The following COL28A1 variants were observed in gnomAD, a reference collection of about 807,000 sequenced individuals.
The protein encoded by COL28A1 is collagen type XXVIII alpha 1 chain.
Under a neutral mutation model 150.2 loss-of-function variants are expected in COL28A1, and 161 were observed. The observed-to-expected ratio is 1.07, with a 90% CI of 0.94 to 1.22. The LOEUF (loss-of-function observed/expected upper bound fraction) is 1.22. Ranked by LOEUF, COL28A1 falls within the 50% of genes most tolerant of loss-of-function variation. COL28A1 has a pLI of 0.00. For missense variants in COL28A1, 1,617 were observed against 1,388.3 expected (o/e 1.16, Z -2.62); for synonymous variants, 552 against 469.7 (o/e 1.18, Z -2.26).
At chr7:7,420,278 T>C (rs534745912) in intron 25 of COL28A1, 5 of 172,830 alleles carry the variant, frequency 2.9e-5, no homozygotes, top group African/African-American at 9.5e-5. Flanking sequence ...CATTAAGAAA[T>C]ATAATCATAT....
At chr7:7,359,094 C>G (rs1780490478) in intron 34 of COL28A1, among the ~76,000 whole-genome samples, 1 of 152,092 alleles carries the variant, frequency 6.6e-6, no homozygotes, top group South Asian at 2.1e-4. Context: ...AGTGAGACTT[C>G]ATTGGCTAAT....
intron 27 of COL28A1, 21 bp from the exon 28 acceptor site, chr7:7,381,633 A>ATCTCTTTCT: frequency 1.9e-6 from 3 of 1,591,736 alleles, no homozygotes; most frequent in Non-Finnish European, 2.6e-6. Flanking sequence ...TATGAGAAAG[A>ATCTCTTTCT]GATGTTCTAT....
intron 6 of COL28A1, among the ~76,000 whole-genome samples, chr7:7,519,836 C>G (rs1322934178): frequency 4.6e-5 from 7 of 152,042 alleles, no homozygotes; most frequent in Non-Finnish European, 7.4e-5. Context: ...CCCTAGGTTT[C>G]CTAAACTTAC....
intron 15 of COL28A1, among the ~76,000 whole-genome samples, chr7:7,461,461 T>C (rs1401099237): frequency 6.6e-6 from 1 of 152,126 alleles, no homozygotes; most frequent in Non-Finnish European, 1.5e-5. Flanking sequence ...TCTACTGACT[T>C]TCCTAGCTGG....
intron 4 of COL28A1, among the ~76,000 whole-genome samples, chr7:7,523,926 A>G (rs1232244050): frequency 6.6e-6 from 1 of 152,218 alleles, no homozygotes; most frequent in Admixed American, 6.5e-5. Context: ...TGTCAGATAC[A>G]TGCTTAGAAT....
At position 7,508,555 on chromosome 7, in the gene COL28A1, G is replaced by A. The variant is rs543290803; in HGVS notation, c.928-1394C>T. Among the ~76,000 whole-genome samples, 25 of 152,290 alleles carry A rather than the reference G, an allele frequency of 1.6e-4. 1 individual carries two copies. Among genetic ancestry groups the A allele is most frequent in the Middle Eastern group, 6.8e-3 (2 of 294 alleles). ...TGTTTGTTAATCATTTCCACTACCCGAGTATGAGAGAGTGTATCTTCATCT... is the reference window on the plus strand; with the variant it reads ...TGTTTGTTAATCATTTCCACTACCCAAGTATGAGAGAGTGTATCTTCATCT... On this transcript the variant is annotated intron_variant, in intron 9 of 34. Transcript: ENST00000399429.
In COL28A1 at chr7:7,531,861, A is replaced by G; in HGVS notation, c.168T>C (p.Ser56=). 1 of 1,609,868 alleles carries G rather than the reference A, an allele frequency of 6.2e-7. No homozygotes were observed. Among genetic ancestry groups the G allele is most frequent in the Non-Finnish European group, 8.5e-7 (1 of 1,176,166 alleles). ...FIDIVFIVDS[S]ESSKIALFDK... ...CAAAGAGGGCAATTTTAGAACTTTC[A>G]GAGCTGTCCACGATGAAGACAATAT... The change falls in exon 3 of 35, where the codon TCT becomes TCC. Residue 56 remains serine, a synonymous_variant. Coordinates refer to ENST00000399429, the MANE Select transcript of COL28A1 (RefSeq NM_001037763.3).
intron 21 of COL28A1, 108 bp from the exon 22 acceptor site, chr7:7,437,570 C>T: frequency 7.1e-7 from 1 of 1,400,068 alleles, no homozygotes; most frequent in African/African-American, 1.5e-5. Context: ...TATGTTATGA[C>T]CTCTATCTGT....
intron 27 of COL28A1, among the ~76,000 whole-genome samples, chr7:7,415,815 T>C (rs975423723): frequency 2.6e-5 from 4 of 151,976 alleles, no homozygotes; most frequent in Admixed American, 6.6e-5. Context: ...GTTTTCTTTT[T>C]TTGGGAAGAC....
chr7:7,495,364 T>C (rs924221986), intron 11 of COL28A1, among the ~76,000 whole-genome samples: 1 of 152,178 alleles, frequency 6.6e-6, no homozygotes, highest in Admixed American at 6.5e-5. Flanking sequence ...GAGTGATTAA[T>C]GAGGTTGAAG....
intron 25 of COL28A1, chr7:7,420,359 C>T (rs1784332487): frequency 6.5e-6 from 1 of 153,166 alleles, no homozygotes; most frequent in South Asian, 2.0e-4. Context: ...TTTCTGCCAC[C>T]TCATTAACTG....
intron 11 of COL28A1, among the ~76,000 whole-genome samples, chr7:7,500,603 G>A (rs1780466471): frequency 6.6e-6 from 1 of 152,180 alleles, no homozygotes; most frequent in African/African-American, 2.4e-5. Flanking sequence ...ATCCACACAT[G>A]CATTCCTAAT....
intron 17 of COL28A1, 24 bp downstream of exon 17, chr7:7,453,416 C>G: frequency 1.0e-6 from 1 of 991,784 alleles, no homozygotes; most frequent in Non-Finnish European, 1.6e-6. Flanking sequence ...ATATATTAAA[C>G]TCCGCTCTCA....
intron 27 of COL28A1, among the ~76,000 whole-genome samples, chr7:7,403,498 G>A (rs1290905358): frequency 2.0e-5 from 3 of 150,458 alleles, no homozygotes; most frequent in Non-Finnish European, 4.5e-5. Context: ...GTGGATGAAG[G>A]TTTAGTTTAT....
At chr7:7,501,568 A>G (rs1392505562) in intron 11 of COL28A1, among the ~76,000 whole-genome samples, 2 of 152,230 alleles carry the variant, frequency 1.3e-5, no homozygotes, top group Non-Finnish European at 2.9e-5. Flanking sequence ...AAATTACCTA[A>G]TATAGGCTGG....
chr7:7,440,481 A>G (rs971118048), intron 21 of COL28A1, among the ~76,000 whole-genome samples: 1 of 152,226 alleles, frequency 6.6e-6, no homozygotes, highest in African/African-American at 2.4e-5. Context: ...AAGATTATGA[A>G]GAACTGATAG....
At chr7:7,341,967 T>A in the COL28A1 span, among the ~76,000 whole-genome samples, 1 of 152,290 alleles carries the variant, frequency 6.6e-6, no homozygotes, top group Admixed American at 6.5e-5. Context: ...ATCAAATTAC[T>A]TAATCATGTT....
chr7:7,445,949 C>A (rs906556513), intron 18 of COL28A1, among the ~76,000 whole-genome samples: 1 of 151,634 alleles, frequency 6.6e-6, no homozygotes, highest in East Asian at 1.9e-4. Flanking sequence ...ACCTCCGCCT[C>A]CCGGGTTCAA....
intron 18 of COL28A1, among the ~76,000 whole-genome samples, chr7:7,445,396 C>T (rs1406215321): frequency 1.3e-5 from 2 of 152,114 alleles, no homozygotes; most frequent in Non-Finnish European, 2.9e-5. Flanking sequence ...ATCTCCCTTA[C>T]AGGTTTTGGA....
Sources: gnomAD v4.1 joint callset for allele counts (sites outside exome capture counted in the v4.1 genomes callset) on GRCh38, gnomAD v4.1.1 for gene constraint, MANE v1.5 for transcripts, NCBI Gene and HGNC (gene_info 2026-07-23, HGNC 2026-07-21) for gene names.